CTNNA3: variants seen among roughly 807,000 people sequenced by gnomAD.
CTNNA3 encodes catenin alpha-3.
In CTNNA3, 76 loss-of-function variants were observed where a neutral mutation model predicts 95.7. That is an observed-to-expected ratio of 0.79 (90% CI 0.66 to 0.96). CTNNA3 has a LOEUF of 0.96. Ranked by LOEUF, CTNNA3 falls within the 40% of genes least tolerant of loss-of-function variation. The probability of loss-of-function intolerance (pLI) is 0.00; values close to 1 mark genes in which losing one functional copy is unlikely to be tolerated. For synonymous variants in CTNNA3, 431 were observed against 374.4 expected, an observed-to-expected ratio of 1.15 and a Z score of -1.74; for missense variants, 1,191 against 1,089.8, an observed-to-expected ratio of 1.09 and a Z score of -1.31.
chr10:67,179,352 G>A (rs190819493), intron 7 of CTNNA3, among the ~76,000 whole-genome samples: 3 of 151,476 alleles, frequency 2.0e-5, no homozygotes, highest in Non-Finnish European at 2.9e-5. Flanking sequence ...GATTTGAGGG[G>A]AACAATAGTT....
intron 7 of CTNNA3, among the ~76,000 whole-genome samples, chr10:67,148,629 A>G (rs1438689789): frequency 6.6e-6 from 1 of 152,254 alleles, no homozygotes; most frequent in Non-Finnish European, 1.5e-5. Flanking sequence ...AAATACTCAG[A>G]TAAGATGCAT....
chr10:67,741,872 C>T (rs566067375), intron 1 of CTNNA3, among the ~76,000 whole-genome samples: 1 of 151,192 alleles, frequency 6.6e-6, no homozygotes, highest in Non-Finnish European at 1.5e-5. Flanking sequence ...TCTGATAAAA[C>T]AGACTTTAAA....
chr10:67,751,140 G>C (rs1198504432), intron 1 of CTNNA3: 1 of 1,322,344 alleles, frequency 7.6e-7, no homozygotes, highest in Admixed American at 1.7e-5. Context: ...TGAGGAGATG[G>C]CAACCACACT....
At chr10:66,657,468 C>A (rs1035174226) in intron 9 of CTNNA3, among the ~76,000 whole-genome samples, 2 of 152,122 alleles carry the variant, frequency 1.3e-5, no homozygotes, top group African/African-American at 4.8e-5. Flanking sequence ...GCATCACATG[C>A]TGCCACTAAT....
At chr10:67,311,972 CG>C in intron 5 of CTNNA3, among the ~76,000 whole-genome samples, 1 of 151,994 alleles carries the variant, frequency 6.6e-6, no homozygotes, top group African/African-American at 2.4e-5. Context: ...CACACACACA[CG>C]CACACGTACC....
chr10:66,996,018 A>G (rs1004451474), intron 7 of CTNNA3, among the ~76,000 whole-genome samples: 5 of 152,188 alleles, frequency 3.3e-5, no homozygotes, highest in Non-Finnish European at 7.3e-5. Flanking sequence ...TCACTTGTAA[A>G]TTATTTTAGT....
At chr10:66,525,449 A>C (rs1238302945) in intron 10 of CTNNA3, among the ~76,000 whole-genome samples, 1 of 152,132 alleles carries the variant, frequency 6.6e-6, no homozygotes, top group Non-Finnish European at 1.5e-5. Context: ...CCAAGTTATT[A>C]AGGAGAAGTT....
chr10:66,647,943 T>C (rs1845764196), intron 9 of CTNNA3, among the ~76,000 whole-genome samples: 1 of 152,170 alleles, frequency 6.6e-6, no homozygotes, highest in Admixed American at 6.5e-5. Flanking sequence ...AAACTGCCTA[T>C]AGATTGTTTG....
chr10:67,281,754 T>G (rs899966957), intron 5 of CTNNA3, among the ~76,000 whole-genome samples: 1 of 152,172 alleles, frequency 6.6e-6, no homozygotes, highest in African/African-American at 2.4e-5. Flanking sequence ...ATAATTGATA[T>G]GTAATCAATT....
At chr10:66,280,279 C>T (rs1438880938) in intron 13 of CTNNA3, among the ~76,000 whole-genome samples, 191 bp downstream of exon 13, 3 of 152,072 alleles carry the variant, frequency 2.0e-5, no homozygotes, top group Non-Finnish European at 4.4e-5. Flanking sequence ...AAGTTATAAC[C>T]AAATACATAA....
chr10:67,128,733 A>G lies in CTNNA3; in HGVS notation c.1047+51584T>C, dbSNP rs16924101. On this transcript the variant is annotated intron_variant, in intron 7 of 17. Transcript: ENST00000433211. The stretch of plus-strand genomic sequence containing the variant: ...AATGCTTGCCCCAGAAGGTGTCCAC[A>G]TGAAAATAAATAGGTGTCCTGAGCA... Among the ~76,000 whole-genome samples the G allele has an allele frequency of 0.01, 1,597 of 152,274 alleles. 76 individuals are homozygous for G. The East Asian group carries it at 0.14, about 13-fold the overall frequency.
intron 5 of CTNNA3, among the ~76,000 whole-genome samples, chr10:67,293,749 G>A (rs1178574002): frequency 6.9e-6 from 1 of 143,940 alleles, no homozygotes; most frequent in Non-Finnish European, 1.5e-5. Context: ...TCCCACCTAT[G>A]AGTGAGAGCA....
At chr10:66,728,137 C>A (rs1015712370) in intron 9 of CTNNA3, among the ~76,000 whole-genome samples, 3 of 152,138 alleles carry the variant, frequency 2.0e-5, no homozygotes, top group African/African-American at 7.2e-5. Flanking sequence ...TCCTTCATTA[C>A]TAGTAACAGA....
chr10:66,253,866 T>G (rs187521195), intron 13 of CTNNA3, among the ~76,000 whole-genome samples: 2 of 152,276 alleles, frequency 1.3e-5, no homozygotes, highest in Admixed American at 1.3e-4. Context: ...TTGTGCATAT[T>G]CCAGGGACTA....
intron 7 of CTNNA3, among the ~76,000 whole-genome samples, chr10:66,835,787 G>A: frequency 6.6e-6 from 1 of 152,244 alleles, no homozygotes; most frequent in East Asian, 1.9e-4. Flanking sequence ...CTCTTTCTTA[G>A]AGCAGTGATT....
chr10:67,418,196 A>G (rs191269640), intron 5 of CTNNA3, among the ~76,000 whole-genome samples: 14 of 152,326 alleles, frequency 9.2e-5, no homozygotes, highest in Admixed American at 7.8e-4. Flanking sequence ...TAACAGTAAC[A>G]TGACAATAAA....
At chr10:67,026,668 T>C (rs2133094008) in intron 7 of CTNNA3, among the ~76,000 whole-genome samples, 1 of 152,268 alleles carries the variant, frequency 6.6e-6, no homozygotes, top group Non-Finnish European at 1.5e-5. Flanking sequence ...AACCAATTTC[T>C]TCATAAAGCA....
intron 5 of CTNNA3, among the ~76,000 whole-genome samples, chr10:67,397,920 G>A (rs533055294): frequency 1.3e-5 from 2 of 152,352 alleles, no homozygotes; most frequent in Admixed American, 6.5e-5. Flanking sequence ...GTCAAAAACT[G>A]AGGTTTAGGA....
chr10:66,195,932 AT>A (rs1220824187), intron 13 of CTNNA3, among the ~76,000 whole-genome samples: 1 of 152,176 alleles, frequency 6.6e-6, no homozygotes, highest in Non-Finnish European at 1.5e-5. Context: ...GTGTGTAAAA[AT>A]ATCGATCTAT....
Sources: gnomAD v4.1 joint callset for allele counts (sites outside exome capture counted in the v4.1 genomes callset) on GRCh38, gnomAD v4.1.1 for gene constraint, MANE v1.5 for transcripts, NCBI Gene and HGNC (gene_info 2026-07-23, HGNC 2026-07-21) for gene names.